LRRTM4: variants seen among roughly 807,000 people sequenced by gnomAD.
LRRTM4 encodes the protein leucine rich repeat transmembrane neuronal 4.
A neutral mutation model predicts 47.6 loss-of-function variants in LRRTM4; 25 were observed. That is an observed-to-expected ratio of 0.53 (90% CI 0.38 to 0.73). LRRTM4 has a LOEUF of 0.73. Ranked by LOEUF, LRRTM4 falls within the 30% of genes least tolerant of loss-of-function variation. The pLI is 0.00. For synonymous variants in LRRTM4, 311 were observed against 269.5 expected, an observed-to-expected ratio of 1.15 and a Z score of -1.51; for missense variants, 638 against 713.4, an observed-to-expected ratio of 0.89 and a Z score of 1.20.
chr2:77,321,996 C>G (rs1483576571), intron 3 of LRRTM4, among the ~76,000 whole-genome samples: 1 of 152,106 alleles, frequency 6.6e-6, no homozygotes, highest in East Asian at 1.9e-4. Flanking sequence ...ATATGAAATT[C>G]TGAGCTGTAG....
chr2:77,445,392 T>C (rs963877615), intron 3 of LRRTM4, among the ~76,000 whole-genome samples: 3 of 151,930 alleles, frequency 2.0e-5, no homozygotes. Flanking sequence ...TTTCAATCCT[T>C]GAAGCTGGAC....
chr2:77,109,946 A>G (rs1189820552), intron 3 of LRRTM4, among the ~76,000 whole-genome samples: 1 of 152,082 alleles, frequency 6.6e-6, no homozygotes, highest in Admixed American at 6.6e-5. Flanking sequence ...ACAGTGCAGC[A>G]CAATCAGCTG....
rs533239326 is a variant in LRRTM4, at chr2:77,006,026, G to C, written c.1552-257110C>G. 9.9e-5 allele frequency among the ~76,000 whole-genome samples: 15 copies of C among 152,108 alleles called. No individual in the cohort carries two copies. The South Asian group carries it at 3.1e-3, about 32-fold the overall frequency. On this transcript the variant is annotated intron_variant, in intron 3 of 3. Transcript: ENST00000409884. ...GAGTCAGGATTTAAACTCAAATCTG[G>C]GTAATCTGGAATCCAGAATACAAAC...
intron 3 of LRRTM4, among the ~76,000 whole-genome samples, chr2:77,321,553 G>A (rs983367806): frequency 8.4e-5 from 6 of 71,256 alleles, no homozygotes; most frequent in Non-Finnish European, 1.2e-4. Context: ...AAATCGGGGA[G>A]GGGGGGGGGT....
intron 3 of LRRTM4, among the ~76,000 whole-genome samples, chr2:77,249,521 AAAC>A (rs142007733): frequency 0.13 from 19,642 of 152,010 alleles, 1,619 homozygotes; most frequent in East Asian, 0.33. Flanking sequence ...CAACAATAAA[AAAC>A]AGAACATAGA....
intron 3 of LRRTM4, among the ~76,000 whole-genome samples, chr2:77,432,890 C>G (rs376370420): frequency 9.9e-5 from 15 of 152,272 alleles, no homozygotes; most frequent in African/African-American, 3.4e-4. Context: ...ATACTTCTTA[C>G]TAAGATTTTC....
intron 3 of LRRTM4, among the ~76,000 whole-genome samples, chr2:76,933,609 G>GA (rs1674846337): frequency 1.3e-5 from 2 of 152,014 alleles, no homozygotes; most frequent in South Asian, 2.1e-4. Context: ...ATCATGTTTT[G>GA]AAAAAATAAC....
chr2:77,076,525 C>G (rs1346192436), intron 3 of LRRTM4, among the ~76,000 whole-genome samples: 1 of 152,130 alleles, frequency 6.6e-6, no homozygotes, highest in African/African-American at 2.4e-5. Flanking sequence ...GAAGGATACA[C>G]TGTACTGTTT....
Position 77,336,304 on chromosome 2 carries a change from G to A in LRRTM4, c.1551+182014C>T, listed in dbSNP as rs555361856. On this transcript the variant is annotated intron_variant, in intron 3 of 3. Coordinates refer to ENST00000409884, the MANE Select transcript of LRRTM4 (RefSeq NM_001134745.3). Reference sequence around the variant, plus strand: ...AGAAAGGAAACAAGGAAGGAAGGGAGGAAAGAAGGAAGGAAGGAAGAAAGG... The same window carrying A: ...AGAAAGGAAACAAGGAAGGAAGGGAAGAAAGAAGGAAGGAAGGAAGAAAGG... Among the ~76,000 whole-genome samples, 6 of 150,712 alleles carry A rather than the reference G, an allele frequency of 4.0e-5. No individual in the cohort carries two copies. In the South Asian group the frequency reaches 1.3e-3, roughly 32 times the overall value.
rs114755254 is a variant in LRRTM4, at chr2:77,079,424, A to G, written c.1552-330508T>C. On this transcript the variant is annotated intron_variant, in intron 3 of 3. Transcript: ENST00000409884. ...CTTGTATCATACAATTGCAGAGTTG[A>G]GTAGTTAGGACAGAAACCTTATACA... 9.0e-3 allele frequency among the ~76,000 whole-genome samples: 1,365 copies of G among 152,296 alleles called. 23 individuals are homozygous for G. The highest frequency in any genetic ancestry group is 0.031 in the African/African-American group (1,303 of 41,558).
chr2:77,332,062 TAAG>T (rs1403920240), intron 3 of LRRTM4, among the ~76,000 whole-genome samples: 3 of 152,180 alleles, frequency 2.0e-5, no homozygotes, highest in Non-Finnish European at 4.4e-5. Flanking sequence ...ATATGTTTCT[TAAG>T]AAGAACTTTC....
chr2:77,257,370 A>G (rs1186235760), intron 3 of LRRTM4, among the ~76,000 whole-genome samples: 1 of 152,046 alleles, frequency 6.6e-6, no homozygotes, highest in Non-Finnish European at 1.5e-5. Context: ...TGCAAAATAA[A>G]CTTTATAAAA....
rs141543003 is a variant in LRRTM4, at chr2:77,348,236, T to C, written c.1551+170082A>G. Among the ~76,000 whole-genome samples the C allele has an allele frequency of 5.6e-3, 849 of 152,020 alleles. 7 individuals are homozygous for C. The highest frequency in any genetic ancestry group is 0.019 in the African/African-American group (785 of 41,538). Reference sequence around the variant, plus strand: ...TGTTAAACTTAACAGTATTATTCACTAGACTAGACAAAAGTGGAAGAAATT... The same window carrying C: ...TGTTAAACTTAACAGTATTATTCACCAGACTAGACAAAAGTGGAAGAAATT... On this transcript the variant is annotated intron_variant, in intron 3 of 3. Transcript: ENST00000409884.
At chr2:77,491,270 T>C (rs1269706600) in intron 3 of LRRTM4, among the ~76,000 whole-genome samples, 2 of 151,670 alleles carry the variant, frequency 1.3e-5, no homozygotes, top group East Asian at 1.9e-4. Context: ...ACAGAAAATA[T>C]TGAACAACTG....
intron 3 of LRRTM4, among the ~76,000 whole-genome samples, chr2:77,034,886 T>C (rs1330281965): frequency 6.6e-6 from 1 of 151,920 alleles, no homozygotes; most frequent in East Asian, 1.9e-4. Context: ...AAGATTTCAT[T>C]TATCTACCAT....
intron 3 of LRRTM4, among the ~76,000 whole-genome samples, chr2:76,803,822 G>C (rs12616348): frequency 6.6e-6 from 1 of 152,134 alleles, no homozygotes; most frequent in Admixed American, 6.6e-5. Context: ...TGAAACATCT[G>C]TACAAACAAT....
chr2:77,058,519 C>T (rs946920506), intron 3 of LRRTM4, among the ~76,000 whole-genome samples: 1 of 152,004 alleles, frequency 6.6e-6, no homozygotes, highest in African/African-American at 2.4e-5. Context: ...TTCTTCCACA[C>T]TCAGTATTTT....
In LRRTM4 at chr2:77,519,225, T is replaced by C. The variant is rs1232046728; in HGVS notation, c.644A>G (p.Asn215Ser). Residue 215 changes from asparagine to serine, a missense_variant, in exon 3 of 4, where the codon AAC (asparagine) becomes AGC (serine). Physicochemically the swap from Asn to Ser is conservative, Grantham distance 46. Coordinates refer to ENST00000409884, the MANE Select transcript of LRRTM4 (RefSeq NM_001134745.3). This position sits in a 1 kb window ranked among gnomAD's most constrained non-coding sequence, Gnocchi z 4.6. ...LKLKELHLEH[N>S]QFSKINFAHF... Reference sequence around the variant, plus strand: ...AGCAAAGTTGATCTTGGAAAACTGGTTGTGCTCCAGGTGGAGCTCCTTTAA... The same window carrying C: ...AGCAAAGTTGATCTTGGAAAACTGGCTGTGCTCCAGGTGGAGCTCCTTTAA... 1 of 1,613,386 alleles carries C rather than the reference T, an allele frequency of 6.2e-7. No individual in the cohort carries two copies.
intron 3 of LRRTM4, among the ~76,000 whole-genome samples, chr2:77,119,102 G>A (rs974812284): frequency 6.6e-6 from 1 of 151,874 alleles, no homozygotes; most frequent in East Asian, 1.9e-4. Flanking sequence ...TTCAAAAAAT[G>A]TTATGAAGAA....
Sources: allele counts gnomAD v4.1 joint callset (sites outside exome capture counted in the v4.1 genomes callset), GRCh38; gene constraint gnomAD v4.1.1; non-coding constraint Gnocchi (gnomAD v3.1); transcripts MANE v1.5; gene names NCBI Gene and HGNC (gene_info 2026-07-23, HGNC 2026-07-21).